The following ZC3H12B variants were observed in gnomAD, a reference collection of about 807,000 sequenced individuals.
ZC3H12B encodes the protein zinc finger CCCH-type containing 12B.
In ZC3H12B, 7 loss-of-function variants were observed where a neutral mutation model predicts 43.9. The ratio of observed to expected loss-of-function variants is 0.16; its 90% CI spans 0.09 to 0.30. The LOEUF is 0.30. Among genes scored for constraint, ZC3H12B ranks in the 10% least tolerant of loss-of-function variants. ZC3H12B has a pLI of 1.00. For synonymous variants in ZC3H12B, 222 were observed against 241.7 expected (o/e 0.92, Z 0.76); for missense variants, 475 against 670.2 (o/e 0.71, Z 3.22).
chrX:65,170,824 A>G, the ZC3H12B span, among the ~76,000 whole-genome samples: 1 of 112,006 alleles, frequency 8.9e-6, no homozygotes, highest in South Asian at 3.7e-4. Flanking sequence ...TGTTGATCAA[A>G]TCAGCTACTG....
chrX:65,154,997 C>G, the ZC3H12B span, among the ~76,000 whole-genome samples: 1 of 107,888 alleles, frequency 9.3e-6, no homozygotes, highest in Non-Finnish European at 1.9e-5. Flanking sequence ...TGTCTTGCTC[C>G]CAGGTGGGAG....
At chrX:65,115,265 A>G in the ZC3H12B span, among the ~76,000 whole-genome samples, 1 of 108,999 alleles carries the variant, frequency 9.2e-6, no homozygotes, top group Non-Finnish European at 1.9e-5. Context: ...TTGCATCCTC[A>G]TAGCTTAGCT....
the ZC3H12B span, among the ~76,000 whole-genome samples, chrX:65,134,228 G>T: frequency 9.0e-6 from 1 of 110,829 alleles, no homozygotes; most frequent in East Asian, 2.9e-4. Flanking sequence ...GCTGCAATGT[G>T]TGTGAGCAGC....
At chrX:65,207,434 G>C in the ZC3H12B span, among the ~76,000 whole-genome samples, 1 of 110,826 alleles carries the variant, frequency 9.0e-6, no homozygotes, top group East Asian at 2.8e-4. Context: ...GCTAAGCTAT[G>C]AGGATGCAAA....
chrX:65,346,419 C>T, the ZC3H12B span, among the ~76,000 whole-genome samples: 5 of 111,397 alleles, frequency 4.5e-5, no homozygotes, highest in Non-Finnish European at 9.4e-5. Flanking sequence ...ACCTGGTTAG[C>T]AATATGCAGA....
chrX:65,095,835 G>T, the ZC3H12B span, among the ~76,000 whole-genome samples: 1 of 110,894 alleles, frequency 9.0e-6, no homozygotes, highest in African/African-American at 3.3e-5. Context: ...AAAGTTCACA[G>T]TGCAGGGGGC....
chrX:65,211,376 A>T, the ZC3H12B span, among the ~76,000 whole-genome samples: 2 of 108,867 alleles, frequency 1.8e-5, no homozygotes, highest in Non-Finnish European at 3.8e-5. Context: ...AACATAAAAA[A>T]CCAAAGAGTT....
the ZC3H12B span, among the ~76,000 whole-genome samples, chrX:65,345,193 T>C: frequency 1.8e-5 from 2 of 112,296 alleles, no homozygotes; most frequent in South Asian, 3.7e-4. Context: ...ATCTCATTAC[T>C]GGGTATATAT....
chrX:65,469,268 C>T (rs1006120713), intron 3 of ZC3H12B: 17 of 255,335 alleles, frequency 6.7e-5, no homozygotes, highest in East Asian at 1.6e-4. Flanking sequence ...CCATCAACAA[C>T]GCTGTGTCCT....
At chrX:65,118,013 T>C in the ZC3H12B span, among the ~76,000 whole-genome samples, 1 of 111,887 alleles carries the variant, frequency 8.9e-6, no homozygotes, top group Non-Finnish European at 1.9e-5. Flanking sequence ...CCAGCTTTGT[T>C]CTTTTAGCTT....
chrX:65,149,128 G>T, the ZC3H12B span, among the ~76,000 whole-genome samples: 1 of 111,400 alleles, frequency 9.0e-6, no homozygotes, highest in East Asian at 2.8e-4. Flanking sequence ...ACCTGTCTCA[G>T]GCCCCCAGGG....
At chrX:65,388,637 C>G (rs1035058185) in intron 2 of ZC3H12B, among the ~76,000 whole-genome samples, 3 of 111,994 alleles carry the variant, frequency 2.7e-5, no homozygotes, top group Non-Finnish European at 5.6e-5. Context: ...CTTCTTCTCT[C>G]AACTCGTCAA....
chrX:65,200,426 C>CTTTTTTTT, the ZC3H12B span, among the ~76,000 whole-genome samples: 1 of 59,618 alleles, frequency 1.7e-5, no homozygotes, highest in Non-Finnish European at 2.9e-5. Context: ...ATAGTTTCCT[C>CTTTTTTTT]TTTTTTTTTT....
At chrX:65,195,384 A>G in the ZC3H12B span, among the ~76,000 whole-genome samples, 3 of 111,659 alleles carry the variant, frequency 2.7e-5, no homozygotes, top group African/African-American at 9.8e-5. Flanking sequence ...GTAACCCATT[A>G]TTTTAAATTG....
intron 3 of ZC3H12B, among the ~76,000 whole-genome samples, chrX:65,482,476 C>T (rs984339840): frequency 1.8e-5 from 2 of 112,065 alleles, no homozygotes; most frequent in African/African-American, 6.5e-5. Context: ...AGACCGTCTC[C>T]TGTAGCATAT....
the ZC3H12B span, among the ~76,000 whole-genome samples, chrX:65,294,514 A>G: frequency 9.0e-6 from 1 of 111,546 alleles, no homozygotes; most frequent in Non-Finnish European, 1.9e-5. Context: ...ACTTCTCAAT[A>G]CTAATGTTGA....
intron 3 of ZC3H12B, among the ~76,000 whole-genome samples, chrX:65,457,959 A>G (rs2067655100): frequency 1.5e-5 from 1 of 66,133 alleles, no homozygotes. Context: ...GCCTAGGAAA[A>G]CCAGAGACCT....
At chrX:65,366,878 T>G (rs1199383250) in intron 1 of ZC3H12B, 112 bp downstream of exon 3, 1 of 112,472 alleles carries the variant, frequency 8.9e-6, no homozygotes, top group East Asian at 2.8e-4. Flanking sequence ...GTGATGACAG[T>G]CAACTCACAA....
At chrX:65,202,442 A>G in the ZC3H12B span, among the ~76,000 whole-genome samples, 6 of 109,127 alleles carry the variant, frequency 5.5e-5, no homozygotes, top group Non-Finnish European at 1.1e-4. Context: ...ATTGCAGCAT[A>G]AGTGGGCACT....
Sources: gnomAD v4.1 joint callset for allele counts (sites outside exome capture counted in the v4.1 genomes callset) on GRCh38, gnomAD v4.1.1 for gene constraint, MANE v1.5 for transcripts, NCBI Gene and HGNC (gene_info 2026-07-23, HGNC 2026-07-21) for gene names.